ATP10D: variants seen among roughly 807,000 people sequenced by gnomAD.
ATP10D encodes the protein ATPase phospholipid transporting 10D (putative), also known as phospholipid-transporting ATPase VD.
In ATP10D, 89 loss-of-function variants were observed where a neutral mutation model predicts 144.8. The observed-to-expected ratio is 0.61, with a 90% CI of 0.52 to 0.73. The LOEUF (loss-of-function observed/expected upper bound fraction) is 0.73, where lower values mean the gene tolerates loss of function less well. ATP10D is among the 30% of genes least tolerant of loss of function. The pLI is 0.00. For missense variants in ATP10D, 1,603 were observed against 1,714.8 expected, an observed-to-expected ratio of 0.93 and a Z score of 1.15; for synonymous variants, 571 against 615.1, an observed-to-expected ratio of 0.93 and a Z score of 1.06.
chr4:47,580,524 A>C, intron 20 of ATP10D, 46 bp downstream of exon 20: 1 of 1,536,424 alleles, frequency 6.5e-7, no homozygotes, highest in Non-Finnish European at 9.0e-7. Context: ...TGAATCAATG[A>C]TGCTTCTTTG....
Position 47,536,543 on chromosome 4 carries a change from G to T in ATP10D, c.1122G>T (p.Trp374Cys). The change falls in exon 8 of 23, where the codon TGG becomes TGT. Residue 374 changes from tryptophan to cysteine, a missense_variant. Transcript: ENST00000273859. ...SPLLAGFYMF[W>C]TMIILLQVLI... ...TGTTGGCAGGATTTTATATGTTTTGGACCATGATCATTTTGTTACAGGTAA... is the reference window on the plus strand; with the variant it reads ...TGTTGGCAGGATTTTATATGTTTTGTACCATGATCATTTTGTTACAGGTAA... 2 of 1,612,826 alleles carry T rather than the reference G, an allele frequency of 1.2e-6. No individual in the cohort carries two copies. The highest frequency in any genetic ancestry group is 1.7e-6 in the Non-Finnish European group (2 of 1,179,536).
chr4:47,519,721 G>A (rs1425092435), intron 3 of ATP10D, among the ~76,000 whole-genome samples: 2 of 152,086 alleles, frequency 1.3e-5, no homozygotes, highest in East Asian at 1.9e-4. Context: ...GACTCAGTTC[G>A]GGTATCACTT....
At chr4:47,590,613 C>T (rs1275095348) in intron 22 of ATP10D, among the ~76,000 whole-genome samples, 1 of 152,094 alleles carries the variant, frequency 6.6e-6, no homozygotes, top group Admixed American at 6.6e-5. Flanking sequence ...ACACTGCCAG[C>T]TTAGCCTACA....
Position 47,561,015 on chromosome 4 carries a change from A to C in ATP10D, c.2608A>C (p.Asn870His). The change falls in exon 14 of 23, where the codon AAC (asparagine) becomes CAC (histidine). Residue 870 changes from asparagine to histidine, a missense_variant. By Grantham distance (68) the Asn-to-His change is moderately conservative. Coordinates refer to ENST00000273859, the MANE Select transcript of ATP10D (RefSeq NM_020453.4). ...TTTTTTAGCTGAAACCAGCATTGAC[A>C]ACAGGGAAGAATTACTACTTGAATC... is the stretch of plus-strand genomic sequence containing the variant. ...NHFLAETSIDNREELLLESAM... is the reference protein window; with the variant it reads ...NHFLAETSIDHREELLLESAM... 1 of 1,614,092 alleles carries C rather than the reference A, an allele frequency of 6.2e-7. No homozygotes were observed. Among genetic ancestry groups the C allele is most frequent in the Non-Finnish European group, 8.5e-7 (1 of 1,179,902 alleles).
intron 1 of ATP10D, among the ~76,000 whole-genome samples, chr4:47,491,952 A>T (rs149921167): frequency 6.6e-6 from 1 of 152,154 alleles, no homozygotes; most frequent in Non-Finnish European, 1.5e-5. Flanking sequence ...GGGCTAGTTT[A>T]TTCATTCCCA....
chr4:47,584,555 G>A (rs571879605), intron 21 of ATP10D, among the ~76,000 whole-genome samples: 24 of 152,060 alleles, frequency 1.6e-4, no homozygotes, highest in African/African-American at 4.3e-4. Context: ...ACCACGCCCC[G>A]CTAATTTTGT....
At chr4:47,523,303 T>C in intron 4 of ATP10D, 87 bp downstream of exon 4, 1 of 1,100,630 alleles carries the variant, frequency 9.1e-7, no homozygotes, top group Non-Finnish European at 1.4e-6. Context: ...GATAAAGAGA[T>C]TTTTAATTCA....
chr4:47,511,565 G>C (rs1157612810), intron 1 of ATP10D, among the ~76,000 whole-genome samples: 2 of 152,148 alleles, frequency 1.3e-5, no homozygotes, highest in African/African-American at 4.8e-5. Context: ...AGGTAGGGCT[G>C]CATTTCTTGG....
At chr4:47,576,150 C>T (rs1720232003) in intron 18 of ATP10D, among the ~76,000 whole-genome samples, 2 of 151,574 alleles carry the variant, frequency 1.3e-5, no homozygotes, top group Non-Finnish European at 2.9e-5. Flanking sequence ...CCGGGATGGT[C>T]TCGATCTCCT....
chr4:47,508,506 T>A (rs751353271), intron 1 of ATP10D, among the ~76,000 whole-genome samples: 15 of 152,338 alleles, frequency 9.8e-5, no homozygotes, highest in Non-Finnish European at 1.9e-4. Context: ...GAAGACTGAG[T>A]AGCTACTAAG....
At chr4:47,578,841 G>A (rs542241203) in intron 19 of ATP10D, among the ~76,000 whole-genome samples, 11 of 152,286 alleles carry the variant, frequency 7.2e-5, no homozygotes, top group Admixed American at 3.3e-4. Context: ...TCCAGAGAAC[G>A]AAGGGATAAA....
rs750234424 is a variant in ATP10D, at chr4:47,512,692, G to A, written c.152G>A (p.Arg51Gln). The change falls in exon 2 of 23, where the codon CGG becomes CAG. Residue 51 changes from arginine to glutamine, a missense_variant. Coordinates refer to ENST00000273859, the MANE Select transcript of ATP10D (RefSeq NM_020453.4). Reference sequence around the variant, plus strand: ...ACCCCTAAACTGTCAGGAAGGCACCGGATTGTTGTTCCCCACATCCAGCCC... The same window carrying A: ...ACCCCTAAACTGTCAGGAAGGCACCAGATTGTTGTTCCCCACATCCAGCCC... ...SQTPKLSGRH[R>Q]IVVPHIQPFK... The A allele has an allele frequency of 1.1e-5, 18 of 1,614,040 alleles. No homozygotes were observed. The highest frequency in any genetic ancestry group is 1.6e-4 in the Middle Eastern group (1 of 6,084).
intron 15 of ATP10D, among the ~76,000 whole-genome samples, chr4:47,564,236 C>T (rs1235456177): frequency 6.6e-6 from 1 of 152,032 alleles, no homozygotes; most frequent in Non-Finnish European, 1.5e-5. Flanking sequence ...CAGAAACCTA[C>T]CTTGTGCTTG....
At chr4:47,510,929 A>G (rs1297558932) in intron 1 of ATP10D, among the ~76,000 whole-genome samples, 1 of 152,218 alleles carries the variant, frequency 6.6e-6, no homozygotes, top group Non-Finnish European at 1.5e-5. Flanking sequence ...CATAATGGTA[A>G]CCTAATGTGC....
chr4:47,561,849 T>C lies in ATP10D; in HGVS notation c.2668+774T>C, dbSNP rs568181639. Among the ~76,000 whole-genome samples, 113 of 152,304 alleles carry C rather than the reference T, an allele frequency of 7.4e-4. 1 individual carries two copies. In the South Asian group the frequency reaches 0.022, roughly 30 times the overall value. On this transcript the variant is annotated intron_variant, in intron 14 of 22. Coordinates refer to ENST00000273859, the MANE Select transcript of ATP10D (RefSeq NM_020453.4). ...CGGTCAAGTTTGAGAACCACTGTCT[T>C]AGAGTCTGGAGATCTAGATTCTAAT...
chr4:47,532,293 A>G (rs1324428720), intron 5 of ATP10D, among the ~76,000 whole-genome samples: 1 of 152,154 alleles, frequency 6.6e-6, no homozygotes. Context: ...CTGCCTATCC[A>G]AATTGTCACT....
chr4:47,489,157 G>A (rs74793288), intron 1 of ATP10D, among the ~76,000 whole-genome samples: 1 of 152,124 alleles, frequency 6.6e-6, no homozygotes, highest in Non-Finnish European at 1.5e-5. Context: ...AATTTTAATT[G>A]TCTAAGGTTA....
intron 16 of ATP10D, among the ~76,000 whole-genome samples, chr4:47,571,586 A>G (rs1417621741): frequency 6.6e-6 from 1 of 152,180 alleles, no homozygotes; most frequent in East Asian, 1.9e-4. Context: ...TCAGTTGTTC[A>G]TTACCAGCAG....
chr4:47,500,752 A>G (rs1715640753), intron 1 of ATP10D, among the ~76,000 whole-genome samples: 1 of 152,174 alleles, frequency 6.6e-6, no homozygotes, highest in Non-Finnish European at 1.5e-5. Context: ...TGCTAGGGGA[A>G]CTTGTGGAAG....
Sources: allele counts gnomAD v4.1 joint callset (sites outside exome capture counted in the v4.1 genomes callset), GRCh38; gene constraint gnomAD v4.1.1; transcripts MANE v1.5; gene names NCBI Gene and HGNC (gene_info 2026-07-23, HGNC 2026-07-21).